The following C12orf76 variants were observed in gnomAD, a reference collection of about 807,000 sequenced individuals.
C12orf76 encodes chromosome 12 open reading frame 76.
In C12orf76, 6 loss-of-function variants were observed where a neutral mutation model predicts 6.8. The observed-to-expected ratio is 0.88, with a 90% CI of 0.48 to 1.73. C12orf76 has a LOEUF of 1.73. C12orf76 is among the 40% of genes most tolerant of loss of function. C12orf76 has a pLI of 0.01. For missense variants in C12orf76, 99 were observed against 98.2 expected (o/e 1.01, Z -0.03); for synonymous variants, 56 against 43.7 (o/e 1.28, Z -1.11).
chr12:110,053,021 C>T (rs182060755), upstream of C12orf76, among the ~76,000 whole-genome samples: 3 of 149,654 alleles, frequency 2.0e-5, no homozygotes, highest in Non-Finnish European at 3.0e-5. Flanking sequence ...GCCAACATGG[C>T]GAAACCCTGT....
chr12:110,067,784 T>C (rs1392537499), upstream of C12orf76: 1 of 153,076 alleles, frequency 6.5e-6, no homozygotes, highest in African/African-American at 2.4e-5. Flanking sequence ...GGGATGGATA[T>C]GTAATTCACA....
chr12:110,059,069 C>T (rs1169592192), exon 3 of C12orf76: 1 of 1,551,610 alleles, frequency 6.4e-7, no homozygotes, highest in Admixed American at 2.0e-5. Context: ...GCAGCGCCAG[C>T]TCTGAACGCA....
chr12:110,042,380 A>C lies in C12orf76; in HGVS notation c.213T>G (p.Arg71=), dbSNP rs934838302. 4 of 1,613,706 alleles carry C rather than the reference A, an allele frequency of 2.5e-6. No homozygotes were observed. Among genetic ancestry groups the C allele is most frequent in the African/African-American group, 2.7e-5 (2 of 74,940 alleles). Residue 71 remains arginine (R), a synonymous_variant, in exon 2 of 2, where the codon CGT becomes CGG. Coordinates refer to ENST00000615315, the MANE Select transcript of C12orf76 (RefSeq NM_001389625.1). Reference sequence around the variant, plus strand: ...TGAAGAACTTGTCTGGCTGTCACCGACGCCGAATGGGCTTGTAGACACAAA... The same window carrying C: ...TGAAGAACTTGTCTGGCTGTCACCGCCGCCGAATGGGCTTGTAGACACAAA... ...MAFCVYKPIR[R]R
chr12:110,044,201 C>T (rs1892389582), intron 1 of C12orf76: 1 of 152,176 alleles, frequency 6.6e-6, no homozygotes, highest in Non-Finnish European at 1.5e-5. Flanking sequence ...TCCCAGGTTC[C>T]AGCTAGGGCC....
At chr12:110,055,173 A>G (rs1338262752) in intron 4 of C12orf76, among the ~76,000 whole-genome samples, 1 of 151,942 alleles carries the variant, frequency 6.6e-6, no homozygotes, top group African/African-American at 2.4e-5. Context: ...AAGAGGTAAG[A>G]GATCCAGATT....
At chr12:110,068,900 C>T (rs981641774), upstream of C12orf76, among the ~76,000 whole-genome samples, 2 of 152,190 alleles carry the variant, frequency 1.3e-5, no homozygotes, top group African/African-American at 4.8e-5. Context: ...CATTGGTATA[C>T]CCGCTACACA....
chr12:110,042,177 G>A lies in C12orf76; in HGVS notation c.*197C>T, dbSNP rs1892331733. 3.4e-6 allele frequency: 2 copies of A among 583,926 alleles called. No individual in the cohort carries two copies. The highest frequency in any genetic ancestry group is 2.8e-5 in the East Asian group (1 of 35,944). 36.2% of individuals were successfully genotyped at this position (583,926 alleles called of 1,614,324 possible). A position where few individuals can be genotyped will look rare whatever the true frequency, so the allele number is the denominator to read the frequency against. ...GAAACACTGAGAAGCGGACTCAGGG[G>A]CCAATTATTTGCGCTACAGTGTTAG... On this transcript the variant is annotated 3_prime_UTR_variant, in exon 2 of 2. Coordinates refer to ENST00000615315, the MANE Select transcript of C12orf76 (RefSeq NM_001389625.1).
At chr12:110,068,324 A>AGAAGAG (rs1566080314), upstream of C12orf76, among the ~76,000 whole-genome samples, 6 of 137,274 alleles carry the variant, frequency 4.4e-5, no homozygotes, top group South Asian at 2.3e-4. Flanking sequence ...AAGAAGAAGA[A>AGAAGAG]GAAGAAGGCG....
chr12:110,048,745 G>C (rs1593244719), upstream of C12orf76: 1 of 1,026,860 alleles, frequency 9.7e-7, no homozygotes, highest in Non-Finnish European at 1.2e-6. Context: ...CGTTCGCCGC[G>C]ATTACCGTTC....
intron 4 of C12orf76, chr12:110,056,859 T>C (rs1892676999): frequency 4.2e-6 from 1 of 236,898 alleles, no homozygotes; most frequent in African/African-American, 2.3e-5. Flanking sequence ...CTTTTCACTT[T>C]CCACCATGAT....
At chr12:110,042,635 CA>C in intron 1 of C12orf76, 176 bp from the exon 2 acceptor site, 1 of 699,640 alleles carries the variant, frequency 1.4e-6, no homozygotes, top group Non-Finnish European at 2.6e-6. Context: ...GGGGGAGAAA[CA>C]AACAGATGAG....
chr12:110,060,331 A>G (rs1302123257), intron 2 of C12orf76, among the ~76,000 whole-genome samples: 1 of 152,122 alleles, frequency 6.6e-6, no homozygotes, highest in Non-Finnish European at 1.5e-5. Context: ...CCATTTCTGC[A>G]TCTCCATTCA....
intron 1 of C12orf76, 56 bp from the exon 2 acceptor site, chr12:110,042,515 C>T: frequency 3.7e-6 from 4 of 1,070,530 alleles, no homozygotes; most frequent in Non-Finnish European, 5.8e-6. Context: ...GGCAATTCAT[C>T]CACTCACTGC....
intron 2 of C12orf76, among the ~76,000 whole-genome samples, chr12:110,061,771 C>T (rs1185028246): frequency 2.6e-5 from 4 of 151,558 alleles, no homozygotes; most frequent in South Asian, 2.1e-4. Context: ...CTCCTGACCT[C>T]GTGATCCACC....
At chr12:110,071,059 G>C (rs1357514399), upstream of C12orf76, among the ~76,000 whole-genome samples, 1 of 152,214 alleles carries the variant, frequency 6.6e-6, no homozygotes, top group Non-Finnish European at 1.5e-5. Context: ...ACAGGCATGA[G>C]CCACCATGCC....
chr12:110,055,358 C>A (rs1459633423), intron 4 of C12orf76, among the ~76,000 whole-genome samples: 1 of 151,932 alleles, frequency 6.6e-6, no homozygotes, highest in Non-Finnish European at 1.5e-5. Flanking sequence ...AGGCATGCGC[C>A]GCCACACCCA....
exon 2 of C12orf76, chr12:110,065,990 G>A (rs1892852527): frequency 1.2e-6 from 2 of 1,611,472 alleles, no homozygotes; most frequent in South Asian, 1.1e-5. Context: ...CCAGAACTGG[G>A]TCATCTCTGA....
Position 110,055,090 on chromosome 12 carries a change from T to C in C12orf76, n.664+2099A>G, listed in dbSNP as rs573463185. Among the ~76,000 whole-genome samples the C allele has an allele frequency of 6.6e-5, 10 of 152,338 alleles. No individual in the cohort carries two copies. In the East Asian group the frequency reaches 1.7e-3, roughly 26 times the overall value. Reference sequence around the variant, plus strand: ...TGGATGATGGTATGTGGGTGTTACATTATTCACAATACATTTTAGTATTTC... The same window carrying C: ...TGGATGATGGTATGTGGGTGTTACACTATTCACAATACATTTTAGTATTTC... On this transcript the variant is annotated intron_variant and non_coding_transcript_variant, in intron 4 of 4. Transcript: ENST00000309050.
upstream of C12orf76, among the ~76,000 whole-genome samples, chr12:110,068,244 AAGAAAGAAGAAGAAGAAG>A (rs1566079955): frequency 2.2e-5 from 3 of 136,550 alleles, no homozygotes; most frequent in Non-Finnish European, 4.6e-5. Flanking sequence ...GAAGAAGAAG[AAGAAAGAAGAAGAAGAAG>A]AAGAAGAAGA....
Sources: allele counts gnomAD v4.1 joint callset (sites outside exome capture counted in the v4.1 genomes callset), GRCh38; gene constraint gnomAD v4.1.1; transcripts MANE v1.5; gene names NCBI Gene and HGNC (gene_info 2026-07-23, HGNC 2026-07-21).